The following GLI2 variants were observed in gnomAD, a reference collection of about 807,000 sequenced individuals.
GLI2 encodes transcription activator GLI2.
In GLI2, 22 loss-of-function variants were observed where a neutral mutation model predicts 78.9. That is an observed-to-expected ratio of 0.28 (90% CI 0.20 to 0.40). GLI2 has a LOEUF of 0.40. GLI2 is among the 10% of genes least tolerant of loss of function. The pLI, the probability that GLI2 is intolerant of heterozygous loss-of-function variation, is 1.00. For synonymous variants in GLI2, 974 were observed against 963.7 expected (o/e 1.01, Z -0.20); for missense variants, 2,097 against 2,213.2 (o/e 0.95, Z 1.05).
intron 3 of GLI2, among the ~76,000 whole-genome samples, chr2:120,938,660 G>C (rs1474644566): frequency 6.6e-6 from 1 of 152,316 alleles, no homozygotes. Flanking sequence ...TGATGGGAAC[G>C]GGGTGAGTGC....
chr2:120,940,575 C>T (rs567400372), intron 3 of GLI2, among the ~76,000 whole-genome samples: 1 of 152,330 alleles, frequency 6.6e-6, no homozygotes, highest in Non-Finnish European at 1.5e-5. Flanking sequence ...GCTCCAGCAC[C>T]TTGTATACTG....
intron 2 of GLI2, among the ~76,000 whole-genome samples, chr2:120,923,804 C>T (rs752333663): frequency 1.7e-4 from 26 of 152,050 alleles, no homozygotes; most frequent in Admixed American, 3.3e-4. Context: ...ACCCCACACA[C>T]GCTACATGTA....
At chr2:120,767,984 C>T (rs1683413799) in intron 1 of GLI2, among the ~76,000 whole-genome samples, 1 of 152,222 alleles carries the variant, frequency 6.6e-6, no homozygotes, top group Non-Finnish European at 1.5e-5. Flanking sequence ...ACAGTCAGTG[C>T]TGCTGATACT....
intron 2 of GLI2, among the ~76,000 whole-genome samples, chr2:120,864,807 G>A (rs900684335): frequency 1.3e-5 from 2 of 152,154 alleles, no homozygotes; most frequent in African/African-American, 4.8e-5. Flanking sequence ...TGTCATGGAA[G>A]GGCATTTCTT....
chr2:120,930,577 G>A (rs528305098), intron 3 of GLI2, among the ~76,000 whole-genome samples: 2 of 152,262 alleles, frequency 1.3e-5, no homozygotes, highest in Non-Finnish European at 2.9e-5. Flanking sequence ...ACTGCCCCGA[G>A]TCCAGTCGCT....
Position 120,844,286 on chromosome 2 carries a change from C to T in GLI2, c.148+46818C>T, listed in dbSNP as rs144421643. ...TGTGCATGATCGAGCAGGGCTGTGT[C>T]CCAGTGAAATGAGCAGTGGACAGAT... is the stretch of plus-strand genomic sequence containing the variant. On this transcript the variant is annotated intron_variant, in intron 2 of 13. Coordinates refer to ENST00000361492, the MANE Select transcript of GLI2 (RefSeq NM_001374353.1). 5.3e-5 allele frequency among the ~76,000 whole-genome samples: 8 copies of T among 152,306 alleles called. No individual in the cohort carries two copies. In the South Asian group the frequency reaches 1.0e-3, roughly 20 times the overall value.
intron 1 of GLI2, among the ~76,000 whole-genome samples, chr2:120,788,782 C>T (rs1573379062): frequency 6.6e-6 from 1 of 152,142 alleles, no homozygotes; most frequent in South Asian, 2.1e-4. Context: ...TGTATGGTGC[C>T]CACCCCTGGC....
At chr2:120,775,043 T>C (rs1337390758) in intron 1 of GLI2, among the ~76,000 whole-genome samples, 2 of 152,192 alleles carry the variant, frequency 1.3e-5, no homozygotes, top group Non-Finnish European at 2.9e-5. Flanking sequence ...ATCTCTACAC[T>C]TGGAAATGCT....
chr2:120,815,250 A>G (rs1685437381), intron 2 of GLI2, among the ~76,000 whole-genome samples: 1 of 152,158 alleles, frequency 6.6e-6, no homozygotes. Flanking sequence ...GTCTCTGCAG[A>G]CAGTAAGTCT....
chr2:120,759,759 G>A (rs1228914944), intron 1 of GLI2, among the ~76,000 whole-genome samples: 1 of 152,108 alleles, frequency 6.6e-6, no homozygotes, highest in African/African-American at 2.4e-5. Context: ...GAGGTTGGAG[G>A]TAGGGCTGAA....
intron 3 of GLI2, among the ~76,000 whole-genome samples, chr2:120,943,586 C>T (rs75815387): frequency 0.025 from 3,748 of 152,312 alleles, 163 homozygotes; most frequent in African/African-American, 0.086. Context: ...TGTTCCCACC[C>T]GCTGCTGCCG....
intron 9 of GLI2, among the ~76,000 whole-genome samples, chr2:120,977,948 C>T (rs1488405417): frequency 6.6e-6 from 1 of 152,166 alleles, no homozygotes; most frequent in African/African-American, 2.4e-5. Flanking sequence ...ATTTACAAAC[C>T]TCTGAAACAA....
intron 1 of GLI2, among the ~76,000 whole-genome samples, chr2:120,762,600 C>T (rs973787480): frequency 6.6e-6 from 1 of 152,190 alleles, no homozygotes; most frequent in Non-Finnish European, 1.5e-5. Context: ...CAGACTCAGC[C>T]GTTCCCTTCC....
chr2:120,797,120 C>T (rs1364535065), intron 1 of GLI2, among the ~76,000 whole-genome samples, 171 bp from the exon 2 acceptor site: 3 of 152,174 alleles, frequency 2.0e-5, no homozygotes, highest in Admixed American at 2.0e-4. Context: ...GAAGACCAGA[C>T]GAATCCCAGG....
intron 2 of GLI2, among the ~76,000 whole-genome samples, chr2:120,826,101 AGCTGCG>A (rs759053607): frequency 7.5e-4 from 111 of 148,064 alleles, no homozygotes; most frequent in Non-Finnish European, 1.0e-3. Context: ...GTCCAGAGAC[AGCTGCG>A]AGGCTTCCAA....
chr2:120,912,639 G>A (rs913706448), intron 2 of GLI2, among the ~76,000 whole-genome samples: 2 of 152,310 alleles, frequency 1.3e-5, no homozygotes, highest in Middle Eastern at 3.4e-3. Flanking sequence ...GGAGCCAGGC[G>A]TCCGAAAGTG....
chr2:120,929,235 G>A (rs995645528), intron 3 of GLI2, among the ~76,000 whole-genome samples: 5 of 152,144 alleles, frequency 3.3e-5, no homozygotes, highest in Non-Finnish European at 5.9e-5. Context: ...TGATCTTCAC[G>A]CTTCTCACTG....
At chr2:120,885,489 C>T (rs1023116659) in intron 2 of GLI2, among the ~76,000 whole-genome samples, 1 of 152,236 alleles carries the variant, frequency 6.6e-6, no homozygotes, top group African/African-American at 2.4e-5. Flanking sequence ...TTCCACCCGT[C>T]CCTTCTGGGG....
chr2:120,903,185 G>C (rs1678350034), intron 2 of GLI2, among the ~76,000 whole-genome samples: 1 of 152,068 alleles, frequency 6.6e-6, no homozygotes, highest in African/African-American at 2.4e-5. Context: ...AGGAGTTCGA[G>C]ACCAGCCTGG....
Sources: allele counts gnomAD v4.1 joint callset (sites outside exome capture counted in the v4.1 genomes callset), GRCh38; gene constraint gnomAD v4.1.1; transcripts MANE v1.5; gene names NCBI Gene and HGNC (gene_info 2026-07-23, HGNC 2026-07-21).